The following VTI1A variants were observed in gnomAD, a reference collection of about 807,000 sequenced individuals.
VTI1A encodes the protein vesicle transport through interaction with t-SNAREs 1A.
In VTI1A, 22 loss-of-function variants were observed where a neutral mutation model predicts 34.9. The ratio of observed to expected loss-of-function variants is 0.63; its 90% CI spans 0.45 to 0.90. VTI1A has a LOEUF of 0.90. Among genes scored for constraint, VTI1A ranks in the 40% least tolerant of loss-of-function variants. The pLI, the probability that VTI1A is intolerant of heterozygous loss-of-function variation, is 0.00. For missense variants in VTI1A, 268 were observed against 275.6 expected (o/e 0.97, Z 0.20); for synonymous variants, 87 against 97.3 (o/e 0.89, Z 0.62).
At chr10:112,585,852 A>G (rs1358607313) in intron 5 of VTI1A, among the ~76,000 whole-genome samples, 2 of 152,086 alleles carry the variant, frequency 1.3e-5, no homozygotes, top group Non-Finnish European at 2.9e-5. Context: ...TCAGAAATCA[A>G]CATTATCTAG....
intron 7 of VTI1A, among the ~76,000 whole-genome samples, chr10:112,691,329 A>G (rs1848609162): frequency 1.3e-5 from 2 of 152,128 alleles, no homozygotes; most frequent in African/African-American, 4.8e-5. Flanking sequence ...GATAATTGGT[A>G]TGAGCATCCT....
At chr10:112,708,797 G>C (rs1256091258) in intron 7 of VTI1A, among the ~76,000 whole-genome samples, 1 of 152,202 alleles carries the variant, frequency 6.6e-6, no homozygotes, top group African/African-American at 2.4e-5. Context: ...TGTTGTACAT[G>C]CATCCATTTT....
intron 3 of VTI1A, among the ~76,000 whole-genome samples, chr10:112,505,346 C>T (rs1484991404): frequency 2.0e-5 from 3 of 152,182 alleles, no homozygotes; most frequent in African/African-American, 7.2e-5. Context: ...TTGTAGCATG[C>T]TACCGTATTA....
intron 5 of VTI1A, among the ~76,000 whole-genome samples, chr10:112,584,592 G>A (rs1412161504): frequency 6.6e-6 from 1 of 152,182 alleles, no homozygotes; most frequent in Non-Finnish European, 1.5e-5. Context: ...TGACTTGCTT[G>A]CCTTAGTTTT....
intron 7 of VTI1A, among the ~76,000 whole-genome samples, chr10:112,792,845 A>G (rs1852534620): frequency 6.6e-6 from 1 of 152,222 alleles, no homozygotes; most frequent in Admixed American, 6.5e-5. Context: ...ACACCCTGAA[A>G]TATTTTGCCT....
chr10:112,614,091 T>G (rs1845423175), intron 5 of VTI1A, among the ~76,000 whole-genome samples: 1 of 152,164 alleles, frequency 6.6e-6, no homozygotes, highest in African/African-American at 2.4e-5. Context: ...GCACATAGGT[T>G]CCAGTAAGTT....
At chr10:112,717,110 A>AG (rs1849637680) in intron 7 of VTI1A, among the ~76,000 whole-genome samples, 1 of 152,196 alleles carries the variant, frequency 6.6e-6, no homozygotes, top group African/African-American at 2.4e-5. Context: ...ATTCCACCGA[A>AG]GGGACATTGG....
chr10:112,800,940 T>A (rs779021132), intron 7 of VTI1A, among the ~76,000 whole-genome samples: 1 of 152,184 alleles, frequency 6.6e-6, no homozygotes, highest in Non-Finnish European at 1.5e-5. Context: ...GTGTGGTAGA[T>A]CCTAGATTCG....
downstream of VTI1A, among the ~76,000 whole-genome samples, chr10:112,821,605 C>A (rs147961220): frequency 8.9e-4 from 135 of 152,240 alleles, 4 homozygotes; most frequent in East Asian, 0.022. Context: ...CTGTGGGGGC[C>A]CTATTATACC....
At chr10:112,745,300 C>G (rs1481613847) in intron 7 of VTI1A, among the ~76,000 whole-genome samples, 1 of 151,704 alleles carries the variant, frequency 6.6e-6, no homozygotes, top group African/African-American at 2.4e-5. Context: ...TTAGTAATGT[C>G]GTGGAAGTTT....
chr10:112,572,558 G>A (rs1852166670), intron 5 of VTI1A, among the ~76,000 whole-genome samples: 1 of 152,160 alleles, frequency 6.6e-6, no homozygotes, highest in African/African-American at 2.4e-5. Context: ...GAAATGTTCG[G>A]TCAGGCATGG....
At chr10:112,725,891 G>A (rs936136650) in intron 7 of VTI1A, among the ~76,000 whole-genome samples, 3 of 152,052 alleles carry the variant, frequency 2.0e-5, no homozygotes, top group African/African-American at 7.3e-5. Flanking sequence ...CCTTCAAGTT[G>A]CCTCTTTTGC....
chr10:112,570,564 T>G (rs1319843806), intron 5 of VTI1A, among the ~76,000 whole-genome samples: 1 of 152,186 alleles, frequency 6.6e-6, no homozygotes, highest in African/African-American at 2.4e-5. Flanking sequence ...AAAAAACAAT[T>G]AAAAGATAGC....
rs1853550039 is a variant in VTI1A, at chr10:112,817,248, C to CCAGTTA, written c.*1867_*1872dup. 3 of 232,312 alleles carry CCAGTTA rather than the reference C, an allele frequency of 1.3e-5. No individual in the cohort carries two copies. In the Admixed American group the frequency reaches 1.7e-4, roughly 13 times the overall value. The allele number at this position is 232,312 out of a possible 1,614,324, so 14.4% of individuals were successfully genotyped here. The stretch of plus-strand genomic sequence containing the variant: ...TGTTGATCTTAGCTAAAGTGTATAA[C>CCAGTTA]CAGTTACCAGCTGCACTTCGCACGG... On this transcript the variant is annotated 3_prime_UTR_variant, in exon 8 of 8. Transcript: ENST00000393077.
intron 7 of VTI1A, among the ~76,000 whole-genome samples, chr10:112,751,094 G>A (rs958786024): frequency 9.9e-5 from 15 of 152,028 alleles, no homozygotes; most frequent in South Asian, 2.1e-4. Context: ...TTATCTGTCC[G>A]GACTGTAAAT....
At chr10:112,569,630 C>T (rs1000879108) in intron 5 of VTI1A, among the ~76,000 whole-genome samples, 4 of 152,106 alleles carry the variant, frequency 2.6e-5, no homozygotes, top group South Asian at 2.1e-4. Context: ...GACTGACAAG[C>T]GAAGAGGGTA....
chr10:112,668,298 ATTGATACAGT>A lies in VTI1A; in HGVS notation c.498+13_498+22del. 1 of 1,611,162 alleles carries A rather than the reference ATTGATACAGT, an allele frequency of 6.2e-7. No homozygotes were observed. Among genetic ancestry groups the A allele is most frequent in the Non-Finnish European group, 8.5e-7 (1 of 1,178,270 alleles). ...GCGAGCACGTGAAAGAGTAAGTACA[ATTGATACAGT>A]TTTTTCACATATTCAGTAAATGAAG... On this transcript the variant is annotated intron_variant, in intron 6 of 7. Transcript: ENST00000393077.
rs76268637 is a variant in VTI1A, at chr10:112,454,897, G to A, written c.95-5627G>A. Among the ~76,000 whole-genome samples the A allele has an allele frequency of 0.012, 1,788 of 152,026 alleles. 73 individuals are homozygous for A. The East Asian group carries it at 0.13, about 11-fold the overall frequency. On this transcript the variant is annotated intron_variant, in intron 1 of 7. Coordinates refer to ENST00000393077, the MANE Select transcript of VTI1A (RefSeq NM_145206.4). ...TATCTCTGATCTTATTTAATGGCTT[G>A]AGAAAGGGATAGTAATAATACCTCA... is the stretch of plus-strand genomic sequence containing the variant.
intron 7 of VTI1A, among the ~76,000 whole-genome samples, chr10:112,778,134 T>C (rs1852007532): frequency 6.6e-6 from 1 of 152,092 alleles, no homozygotes; most frequent in Admixed American, 6.5e-5. Context: ...GTATTGGTGA[T>C]AGCAAGTTCC....
Sources: gnomAD v4.1 joint callset for allele counts (sites outside exome capture counted in the v4.1 genomes callset) on GRCh38, gnomAD v4.1.1 for gene constraint, MANE v1.5 for transcripts, NCBI Gene and HGNC (gene_info 2026-07-23, HGNC 2026-07-21) for gene names.